Variants in ERV3-1 observed in about 807,000 individuals in gnomAD.
The protein encoded by ERV3-1 is endogenous retrovirus group 3 member 1, envelope.
In ERV3-1, 36 loss-of-function variants were observed where a neutral mutation model predicts 24.6. The ratio of observed to expected loss-of-function variants is 1.47; its 90% CI spans 1.12 to 1.94. The LOEUF (loss-of-function observed/expected upper bound fraction) is 1.94, where lower values mean the gene tolerates loss of function less well. Ranked by LOEUF, ERV3-1 falls within the 30% of genes most tolerant of loss-of-function variation. The probability of loss-of-function intolerance (pLI) is 0.00; values close to 1 mark genes in which losing one functional copy is unlikely to be tolerated. For missense variants in ERV3-1, 578 were observed against 330.9 expected (o/e 1.75, Z -5.79); for synonymous variants, 211 against 122.6 (o/e 1.72, Z -4.76).
intron 1 of ERV3-1, 87 bp downstream of exon 1, chr7:65,006,454 G>C: frequency 6.5e-7 from 1 of 1,530,530 alleles, no homozygotes; most frequent in Non-Finnish European, 9.0e-7. Flanking sequence ...CCAGCTGCGG[G>C]GAGGCCAGAG....
intron 1 of ERV3-1, chr7:65,003,684 A>G (rs1255867314): frequency 6.6e-6 from 1 of 152,196 alleles, no homozygotes; most frequent in African/African-American, 2.4e-5. Context: ...TCATACCTCA[A>G]TAAGAAATAC....
In ERV3-1 at chr7:64,990,838, A is replaced by C. The variant is rs62456475; in HGVS notation, c.*374T>G. ...AGATAATTATCATAGCTCCAGCAGG[A>C]CTTTGGAGTGAGTCAGACTGGTCAG... On this transcript the variant is annotated 3_prime_UTR_variant, in exon 2 of 2. Coordinates refer to ENST00000394323, the MANE Select transcript of ERV3-1 (RefSeq NM_001007253.4). 5,941 of 159,714 alleles carry C rather than the reference A, an allele frequency of 0.037. 166 individuals carry two copies. Among genetic ancestry groups the C allele is most frequent in the East Asian group, 0.14 (783 of 5,436 alleles). 9.9% of individuals were successfully genotyped at this position (159,714 alleles called of 1,614,324 possible). A position where few individuals can be genotyped will look rare whatever the true frequency, so the allele number is the denominator to read the frequency against.
intron 1 of ERV3-1, among the ~76,000 whole-genome samples, chr7:64,995,131 G>C (rs144073548): frequency 6.6e-6 from 1 of 152,204 alleles, no homozygotes; most frequent in Non-Finnish European, 1.5e-5. Context: ...TCAAGTCATC[G>C]TTGGGTTTGA....
intron 1 of ERV3-1, among the ~76,000 whole-genome samples, chr7:64,997,997 C>T (rs555611433): frequency 1.6e-4 from 25 of 152,274 alleles, no homozygotes; most frequent in African/African-American, 4.6e-4. Flanking sequence ...AGGTCGAAGG[C>T]GGCCTGCTTG....
Position 65,006,552 on chromosome 7 carries a change from T to G in ERV3-1, c.-400A>C. 6.3e-7 allele frequency: 1 copy of G among 1,576,838 alleles called. No individual in the cohort carries two copies. Among genetic ancestry groups the G allele is most frequent in the Non-Finnish European group, 8.7e-7 (1 of 1,147,818 alleles). ...CCCGGCACTCTCACCATTTCTAGGC[T>G]TCCAGTGGGTCCTGGCGTCTTAGCT... On this transcript the variant is annotated 5_prime_UTR_variant, in exon 1 of 2. Coordinates refer to ENST00000394323, the MANE Select transcript of ERV3-1 (RefSeq NM_001007253.4).
At chr7:65,003,917 C>T (rs779993124) in intron 1 of ERV3-1, 1 of 152,138 alleles carries the variant, frequency 6.6e-6, no homozygotes, top group South Asian at 2.1e-4. Context: ...ATGTAACTCA[C>T]CAATTATCTA....
chr7:64,993,844 C>A (rs1249430614), intron 1 of ERV3-1, among the ~76,000 whole-genome samples: 1 of 152,166 alleles, frequency 6.6e-6, no homozygotes, highest in Non-Finnish European at 1.5e-5. Context: ...TCTACTTTTC[C>A]TAAGCTCTGC....
intron 1 of ERV3-1, among the ~76,000 whole-genome samples, chr7:64,995,733 T>C (rs1201373597): frequency 6.6e-6 from 1 of 152,230 alleles, no homozygotes; most frequent in East Asian, 1.9e-4. Context: ...TTGGGCCTTC[T>C]TTTTGGATAC....
chr7:64,992,590 C>A lies in ERV3-1; in HGVS notation c.437G>T (p.Cys146Phe). The change falls in exon 2 of 2, where the codon TGC becomes TTC. Residue 146 changes from cysteine to phenylalanine, a missense_variant. Cys to Phe is a radical substitution (Grantham distance 205, BLOSUM62 -2). Transcript: ENST00000394323. ...AGGGTGTGCATACCTATTTTTATGG[C>A]AGCTACTATAGTACTCCATGGAACT... ...IFSSMEYYSSCHKNRYAHPAC... is the reference protein window; with the variant it reads ...IFSSMEYYSSFHKNRYAHPAC... 1 of 766,402 alleles carries A rather than the reference C, an allele frequency of 1.3e-6. No homozygotes were observed. The highest frequency in any genetic ancestry group is 2.4e-6 in the Non-Finnish European group (1 of 417,918). 47.5% of individuals were successfully genotyped at this position (766,402 alleles called of 1,614,324 possible). A position where few individuals can be genotyped will look rare whatever the true frequency, so the allele number is the denominator to read the frequency against.
In ERV3-1 at chr7:64,992,065, G is replaced by A; in HGVS notation, c.962C>T (p.Ala321Val). The A allele has an allele frequency of 1.3e-6, 1 of 766,382 alleles. No homozygotes were observed. Among genetic ancestry groups the A allele is most frequent in the Non-Finnish European group, 2.4e-6 (1 of 417,910 alleles). The allele number at this position is 766,382 out of a possible 1,614,324, so 47.5% of individuals were successfully genotyped here. A position where few individuals can be genotyped will look rare whatever the true frequency, so the allele number is the denominator to read the frequency against. Reference protein sequence around the residue: ...LMPQDNFTLTASSLEPAPSSQ... With the variant: ...LMPQDNFTLTVSSLEPAPSSQ... ...TGATGGTGCAGGTTCGAGGGAAGAG[G>A]CGGTTAGTGTGAAATTATCTTGGGG... Residue 321 changes from alanine (A) to valine (V), a missense_variant, in exon 2 of 2, where the codon GCC becomes GTC. Transcript: ENST00000394323.
At chr7:65,001,153 A>G (rs1348051550) in intron 1 of ERV3-1, among the ~76,000 whole-genome samples, 2 of 152,228 alleles carry the variant, frequency 1.3e-5, no homozygotes, top group Non-Finnish European at 2.9e-5. Flanking sequence ...TTTCACCCAC[A>G]TAACAAATCT....
chr7:64,995,224 T>C (rs1786381664), intron 1 of ERV3-1, among the ~76,000 whole-genome samples: 1 of 152,218 alleles, frequency 6.6e-6, no homozygotes, highest in South Asian at 2.1e-4. Context: ...CAGGGTCAGT[T>C]TGTCAGCTTC....
intron 1 of ERV3-1, among the ~76,000 whole-genome samples, chr7:65,000,104 C>T (rs1290285169): frequency 6.6e-6 from 1 of 152,174 alleles, no homozygotes; most frequent in Non-Finnish European, 1.5e-5. Context: ...CATGCATGTT[C>T]ACTGCAGCAC....
intron 1 of ERV3-1, among the ~76,000 whole-genome samples, chr7:64,994,704 TTATA>T (rs1427076612): frequency 6.6e-6 from 1 of 152,260 alleles, no homozygotes; most frequent in Non-Finnish European, 1.5e-5. Flanking sequence ...TCCTCTTTCT[TTATA>T]TATAGCTCCA....
In ERV3-1 at chr7:64,991,934, G is replaced by A. The variant is rs1469940880; in HGVS notation, c.1093C>T (p.Gln365Ter). ...CCTAGTGTCTCGTTGTAATATTGTT[G>A]TCCTAGGCAAGTTAACTCTCCTACT... ...DPVGELTCLG[Q>*]QYYNETLGKT... Residue 365 changes from glutamine (Q) to a stop codon, truncating the protein, a stop_gained, in exon 2 of 2, where the codon CAA becomes TAA. Coordinates refer to ENST00000394323, the MANE Select transcript of ERV3-1 (RefSeq NM_001007253.4). LOFTEE classifies it high-confidence loss of function. The A allele has an allele frequency of 2.6e-6, 2 of 766,284 alleles. No individual in the cohort carries two copies. The highest frequency in any genetic ancestry group is 3.4e-5 in the Admixed American group (2 of 59,016). The allele number at this position is 766,284 out of a possible 1,614,324, so 47.5% of individuals were successfully genotyped here.
rs544411617 is a variant in ERV3-1 at position 65,003,346 on chromosome 7, G to C, written c.-389+3195C>G. On this transcript the variant is annotated intron_variant, in intron 1 of 1. Transcript: ENST00000394323. ...AAAATACAAAAATTAGCTGGGTGTGGTGGCACCTGCCTGTAATCCCAGCTA... is the reference window on the plus strand; with the variant it reads ...AAAATACAAAAATTAGCTGGGTGTGCTGGCACCTGCCTGTAATCCCAGCTA... Among the ~76,000 whole-genome samples the C allele has an allele frequency of 9.2e-5, 14 of 152,300 alleles. No individual in the cohort carries two copies. The South Asian group carries it at 2.3e-3, about 25-fold the overall frequency.
At position 64,991,432 on chromosome 7, in the gene ERV3-1, G is replaced by A. The variant is rs1400126431; in HGVS notation, c.1595C>T (p.Ala532Val). ...GGCTTGCTGGGCAAGCAGATTCAAG[G>A]CCCCTGCAGTTTCATTGGTAATGAT... ...LEIITNETAG[A>V]LNLLAQQATK... is the part of the protein sequence containing the mutation. Residue 532 changes from alanine (A) to valine (V), a missense_variant, in exon 2 of 2, where the codon GCC becomes GTC. Transcript: ENST00000394323. 1.4e-6 allele frequency: 1 copy of A among 704,038 alleles called. No individual in the cohort carries two copies. 43.6% of individuals were successfully genotyped at this position (704,038 alleles called of 1,614,324 possible). A position where few individuals can be genotyped will look rare whatever the true frequency, so the allele number is the denominator to read the frequency against.
At chr7:64,998,320 A>G (rs1317649229) in intron 1 of ERV3-1, among the ~76,000 whole-genome samples, 1 of 152,118 alleles carries the variant, frequency 6.6e-6, no homozygotes, top group African/African-American at 2.4e-5. Context: ...ATGCAGGTTG[A>G]GTTTGAACTA....
rs1234487296 is a variant in ERV3-1, at chr7:64,990,501, G to A, written c.*711C>T. 1 of 170,838 alleles carries A rather than the reference G, an allele frequency of 5.9e-6. No individual in the cohort carries two copies. The highest frequency in any genetic ancestry group is 1.2e-5 in the Non-Finnish European group (1 of 80,484). The allele number at this position is 170,838 out of a possible 1,614,324, so 10.6% of individuals were successfully genotyped here. ...GGGTTTTTGGCGCAAAACCTGCGAG[G>A]TGAGAAAGCAGTCTTACAGAAGCAG... On this transcript the variant is annotated 3_prime_UTR_variant, in exon 2 of 2. Transcript: ENST00000394323.
Sources: gnomAD v4.1 joint callset for allele counts (sites outside exome capture counted in the v4.1 genomes callset) on GRCh38, gnomAD v4.1.1 for gene constraint, MANE v1.5 for transcripts, NCBI Gene and HGNC (gene_info 2026-07-23, HGNC 2026-07-21) for gene names.